CADM2: variants seen among roughly 807,000 people sequenced by gnomAD.
CADM2 encodes the protein cell adhesion molecule 2, also known as immunoglobulin superfamily member 4D.
A neutral mutation model predicts 49.8 loss-of-function variants in CADM2; 12 were observed. That is an observed-to-expected ratio of 0.24 (90% confidence interval 0.15 to 0.39). CADM2 has a LOEUF of 0.39. Among genes scored for constraint, CADM2 ranks in the 10% least tolerant of loss-of-function variants. The probability of loss-of-function intolerance (pLI) is 1.00; values close to 1 mark genes in which losing one functional copy is unlikely to be tolerated. For missense variants in CADM2, 378 were observed against 492.3 expected (o/e 0.77, Z 2.20); for synonymous variants, 214 against 175.4 (o/e 1.22, Z -1.74).
chr3:85,063,543 A>C (rs952169288), intron 1 of CADM2, among the ~76,000 whole-genome samples: 1 of 152,070 alleles, frequency 6.6e-6, no homozygotes, highest in Non-Finnish European at 1.5e-5. Flanking sequence ...GATCTTAAAC[A>C]GGATAAACTT....
Position 85,331,316 on chromosome 3 carries a change from T to C in CADM2, c.61+371648T>C, listed in dbSNP as rs117157598. 1.3e-4 allele frequency among the ~76,000 whole-genome samples: 19 copies of C among 151,462 alleles called. No homozygotes were observed. The East Asian group carries it at 3.5e-3, about 28-fold the overall frequency. On this transcript the variant is annotated intron_variant, in intron 1 of 9. Coordinates refer to ENST00000383699, the MANE Select transcript of CADM2 (RefSeq NM_001167675.2). Reference sequence around the variant, plus strand: ...TCCCAGCCTCTGGTAACCACCATTCTACTCTCTATCTCAATTTATTCATTT... The same window carrying C: ...TCCCAGCCTCTGGTAACCACCATTCCACTCTCTATCTCAATTTATTCATTT...
At chr3:85,256,365 G>C (rs1288629084) in intron 1 of CADM2, among the ~76,000 whole-genome samples, 1 of 152,050 alleles carries the variant, frequency 6.6e-6, no homozygotes, top group Non-Finnish European at 1.5e-5. Flanking sequence ...AGTACCTGTA[G>C]GATTGAAAGT....
At chr3:85,620,910 T>C (rs949026468) in intron 1 of CADM2, among the ~76,000 whole-genome samples, 15 of 151,970 alleles carry the variant, frequency 9.9e-5, no homozygotes, top group African/African-American at 3.6e-4. Flanking sequence ...TGACAGTCAA[T>C]TTTTTTGGAA....
intron 1 of CADM2, among the ~76,000 whole-genome samples, chr3:85,697,791 A>T (rs1577108805): frequency 6.6e-6 from 1 of 152,272 alleles, no homozygotes; most frequent in East Asian, 1.9e-4. Context: ...AATATAACAG[A>T]TTTATGTACA....
At chr3:85,907,274 G>A (rs1716929199) in intron 5 of CADM2, among the ~76,000 whole-genome samples, 1 of 152,078 alleles carries the variant, frequency 6.6e-6, no homozygotes, top group African/African-American at 2.4e-5. Flanking sequence ...AAACTATCAT[G>A]TTATCCATCA....
intron 1 of CADM2, among the ~76,000 whole-genome samples, chr3:85,071,425 GT>G (rs1361223749): frequency 6.6e-6 from 1 of 151,386 alleles, no homozygotes; most frequent in African/African-American, 2.5e-5. Context: ...TTTACAGTCA[GT>G]TTTGCTCAGG....
intron 1 of CADM2, among the ~76,000 whole-genome samples, chr3:84,995,554 T>G (rs2033139225): frequency 6.6e-6 from 1 of 152,236 alleles, no homozygotes; most frequent in South Asian, 2.1e-4. Context: ...AGTTGCTTAG[T>G]ATTTCCAAGA....
intron 1 of CADM2, among the ~76,000 whole-genome samples, chr3:85,029,954 A>G (rs2034905055): frequency 6.6e-6 from 1 of 152,172 alleles, no homozygotes; most frequent in South Asian, 2.1e-4. Flanking sequence ...CATTTTTCTA[A>G]CTTGAAAACT....
chr3:85,301,667 T>C (rs77280884), intron 1 of CADM2, among the ~76,000 whole-genome samples: 1,911 of 152,142 alleles, frequency 0.013, 24 homozygotes, highest in Non-Finnish European at 0.021. Context: ...TGTTCTGCTG[T>C]ATACGAATGA....
intron 1 of CADM2, among the ~76,000 whole-genome samples, chr3:84,985,563 G>T (rs2107154862): frequency 7.2e-6 from 1 of 139,500 alleles, no homozygotes; most frequent in African/African-American, 2.7e-5. Context: ...TAATAATAAT[G>T]AAGAGAGAAC....
At chr3:85,142,152 A>C (rs2039595798) in intron 1 of CADM2, among the ~76,000 whole-genome samples, 1 of 152,182 alleles carries the variant, frequency 6.6e-6, no homozygotes, top group Non-Finnish European at 1.5e-5. Context: ...AATGGCACCA[A>C]CTTCTGCAAC....
At chr3:85,891,989 T>C (rs1034887833) in intron 5 of CADM2, among the ~76,000 whole-genome samples, 4 of 152,138 alleles carry the variant, frequency 2.6e-5, no homozygotes, top group African/African-American at 4.8e-5. Context: ...TACACAGCAG[T>C]ATTAGGAAAC....
chr3:85,036,902 A>G (rs927061633), intron 1 of CADM2, among the ~76,000 whole-genome samples: 3 of 151,324 alleles, frequency 2.0e-5, no homozygotes, highest in African/African-American at 7.3e-5. Context: ...CTGTTATACC[A>G]GCATTTTGGG....
At chr3:85,670,202 C>T (rs1037720600) in intron 1 of CADM2, among the ~76,000 whole-genome samples, 3 of 152,102 alleles carry the variant, frequency 2.0e-5, no homozygotes, top group Admixed American at 6.6e-5. Flanking sequence ...ATGAACAATA[C>T]TCTTTGTGTG....
At chr3:85,105,906 G>A (rs1408198458) in intron 1 of CADM2, among the ~76,000 whole-genome samples, 1 of 151,100 alleles carries the variant, frequency 6.6e-6, no homozygotes, top group African/African-American at 2.4e-5. Flanking sequence ...AGAACACATG[G>A]ACACAGGAAG....
chr3:85,934,252 C>T (rs1720933178), intron 6 of CADM2, among the ~76,000 whole-genome samples: 2 of 152,052 alleles, frequency 1.3e-5, no homozygotes, highest in African/African-American at 4.8e-5. Flanking sequence ...CCAGAACAGT[C>T]TGGTTCACAA....
intron 1 of CADM2, among the ~76,000 whole-genome samples, chr3:85,111,292 A>T (rs369734429): frequency 1.3e-5 from 2 of 151,934 alleles, no homozygotes; most frequent in South Asian, 2.1e-4. Context: ...TTTGCTTTAA[A>T]TTTTTTTAAA....
intron 5 of CADM2, among the ~76,000 whole-genome samples, chr3:85,888,062 T>A (rs1455070634): frequency 6.6e-6 from 1 of 152,214 alleles, no homozygotes; most frequent in Non-Finnish European, 1.5e-5. Context: ...TTCAATGAAT[T>A]ACTTTATTAC....
chr3:85,094,251 T>A (rs1175093665), intron 1 of CADM2, among the ~76,000 whole-genome samples: 1 of 152,128 alleles, frequency 6.6e-6, no homozygotes, highest in Non-Finnish European at 1.5e-5. Flanking sequence ...ATTTATGCTA[T>A]CATCATACCT....
Sources: gnomAD v4.1 joint callset for allele counts (sites outside exome capture counted in the v4.1 genomes callset) on GRCh38, gnomAD v4.1.1 for gene constraint, MANE v1.5 for transcripts, NCBI Gene and HGNC (gene_info 2026-07-23, HGNC 2026-07-21) for gene names.